The following TENM2 variants were observed in gnomAD, a reference collection of about 807,000 sequenced individuals.
TENM2 encodes teneurin transmembrane protein 2, also known as teneurin-2.
A neutral mutation model predicts 245.2 loss-of-function variants in TENM2; 52 were observed. That is an observed-to-expected ratio of 0.21 (90% confidence interval 0.17 to 0.27). The LOEUF (loss-of-function observed/expected upper bound fraction) is 0.27, where lower values mean the gene tolerates loss of function less well. Among genes scored for constraint, TENM2 ranks in the 10% least tolerant of loss-of-function variants. The pLI, the probability that TENM2 is intolerant of heterozygous loss-of-function variation, is 1.00. For missense variants in TENM2, 3,046 were observed against 3,666.8 expected, an observed-to-expected ratio of 0.83 and a Z score of 4.37; for synonymous variants, 1,363 against 1,438.9, an observed-to-expected ratio of 0.95 and a Z score of 1.19.
the TENM2 span, among the ~76,000 whole-genome samples, chr5:167,132,420 G>A: frequency 6.6e-5 from 10 of 152,168 alleles, no homozygotes; most frequent in East Asian, 1.9e-3. Context: ...AACTTCTGAG[G>A]GAGAGAGAGA....
At chr5:167,470,703 A>G (rs929925374) in intron 2 of TENM2, among the ~76,000 whole-genome samples, 12 of 151,646 alleles carry the variant, frequency 7.9e-5, no homozygotes, top group African/African-American at 2.9e-4. Flanking sequence ...CCAAATCAAG[A>G]CCCTGGTATG....
chr5:167,436,004 G>A (rs1764536561), intron 2 of TENM2, among the ~76,000 whole-genome samples: 1 of 110,594 alleles, frequency 9.0e-6, no homozygotes, highest in African/African-American at 3.7e-5. Context: ...TTGAGACAGA[G>A]TTTTGCTGTG....
chr5:167,573,798 G>T (rs1774447506), intron 2 of TENM2, among the ~76,000 whole-genome samples: 1 of 150,956 alleles, frequency 6.6e-6, no homozygotes, highest in Non-Finnish European at 1.5e-5. Context: ...GCGTCACATT[G>T]CTCCCCTGTT....
chr5:167,180,103 C>CTTTTTTTTTTTTTTTTTTTTTTTTT, the TENM2 span, among the ~76,000 whole-genome samples: 6 of 114,958 alleles, frequency 5.2e-5, no homozygotes, highest in African/African-American at 2.5e-4. Context: ...TAAGTGCTTC[C>CTTTTTTTTTTTTTTTTTTTTTTTTT]TTTTTTTTTT....
At chr5:167,350,443 G>GTGTA (rs1242551373) in intron 1 of TENM2, among the ~76,000 whole-genome samples, 2 of 139,876 alleles carry the variant, frequency 1.4e-5, no homozygotes, top group African/African-American at 2.6e-5. Flanking sequence ...GTGTGTGTGT[G>GTGTA]TGTATGTATG....
chr5:167,073,571 T>C, the TENM2 span, among the ~76,000 whole-genome samples: 1 of 152,334 alleles, frequency 6.6e-6, no homozygotes, highest in South Asian at 2.1e-4. Context: ...CCCAATTGAA[T>C]GACTTTACAA....
At chr5:168,032,438 A>G (rs1423703944) in intron 5 of TENM2, among the ~76,000 whole-genome samples, 1 of 152,200 alleles carries the variant, frequency 6.6e-6, no homozygotes, top group Non-Finnish European at 1.5e-5. Flanking sequence ...AGTCTGGGCT[A>G]TGAAGACCCT....
chr5:167,213,744 TAA>T, the TENM2 span, among the ~76,000 whole-genome samples: 1 of 152,154 alleles, frequency 6.6e-6, no homozygotes, highest in African/African-American at 2.4e-5. Context: ...TTGAGAAAAT[TAA>T]AAGTGTATAT....
the TENM2 span, among the ~76,000 whole-genome samples, chr5:167,249,099 C>T: frequency 2.6e-5 from 4 of 152,134 alleles, no homozygotes; most frequent in Non-Finnish European, 5.9e-5. Context: ...ACCCAGCCAG[C>T]ATCTTTTGAA....
the TENM2 span, among the ~76,000 whole-genome samples, chr5:167,237,150 T>G: frequency 6.6e-6 from 1 of 152,194 alleles, no homozygotes; most frequent in East Asian, 1.9e-4. Flanking sequence ...AGTATGTAAT[T>G]TTGATCCGCG....
intron 2 of TENM2, among the ~76,000 whole-genome samples, chr5:167,714,171 G>A (rs1211764894): frequency 6.6e-6 from 1 of 152,172 alleles, no homozygotes; most frequent in Non-Finnish European, 1.5e-5. Flanking sequence ...ATCACAAGTA[G>A]GGATTTCCAT....
intron 2 of TENM2, among the ~76,000 whole-genome samples, chr5:167,655,575 CAT>C (rs1444753067): frequency 6.6e-6 from 1 of 152,182 alleles, no homozygotes; most frequent in Non-Finnish European, 1.5e-5. Flanking sequence ...TGCACAAAAT[CAT>C]TTTATCATGA....
At chr5:168,195,389 C>G in intron 15 of TENM2, 94 bp downstream of exon 17, 1 of 1,435,974 alleles carries the variant, frequency 7.0e-7, no homozygotes, top group Non-Finnish European at 9.4e-7. Flanking sequence ...AGGATTCCCC[C>G]TGGTGGACTG....
chr5:167,297,168 T>C (rs13355217), intron 1 of TENM2, among the ~76,000 whole-genome samples: 28,251 of 152,214 alleles, frequency 0.19, 3,694 homozygotes, highest in African/African-American at 0.38. Flanking sequence ...TAGGACCTCA[T>C]ACTTAGCATA....
intron 6 of TENM2, among the ~76,000 whole-genome samples, chr5:168,061,844 T>C (rs1329463793): frequency 6.6e-6 from 1 of 152,190 alleles, no homozygotes; most frequent in Non-Finnish European, 1.5e-5. Flanking sequence ...TTAGAAAGCA[T>C]TGTGCCAAGA....
chr5:167,839,319 C>A (rs1769272419), intron 2 of TENM2, among the ~76,000 whole-genome samples: 1 of 152,192 alleles, frequency 6.6e-6, no homozygotes, highest in African/African-American at 2.4e-5. Flanking sequence ...ATTCAACGAA[C>A]AAATAATTTC....
At chr5:167,355,694 A>G (rs140509273) in intron 1 of TENM2, among the ~76,000 whole-genome samples, 116 of 152,288 alleles carry the variant, frequency 7.6e-4, no homozygotes, top group African/African-American at 2.6e-3. Flanking sequence ...ACAAAGTGCC[A>G]GATAGTGCAA....
chr5:167,708,815 T>C (rs1758711341), intron 2 of TENM2, among the ~76,000 whole-genome samples: 1 of 152,176 alleles, frequency 6.6e-6, no homozygotes, highest in Non-Finnish European at 1.5e-5. Flanking sequence ...CTATATATGT[T>C]AAAGTTTTTT....
At chr5:167,645,889 T>C (rs1415127316) in intron 2 of TENM2, among the ~76,000 whole-genome samples, 2 of 151,890 alleles carry the variant, frequency 1.3e-5, no homozygotes, top group African/African-American at 4.8e-5. Flanking sequence ...CTTCCAATCC[T>C]AATTATATGC....
Sources: gnomAD v4.1 joint callset for allele counts (sites outside exome capture counted in the v4.1 genomes callset) on GRCh38, gnomAD v4.1.1 for gene constraint, MANE v1.5 for transcripts, NCBI Gene and HGNC (gene_info 2026-07-23, HGNC 2026-07-21) for gene names.